ACOXL: variants seen among roughly 807,000 people sequenced by gnomAD.
The protein encoded by ACOXL is acyl-coenzyme A oxidase-like protein.
Under a neutral mutation model 71.9 loss-of-function variants are expected in ACOXL, and 70 were observed. That is an observed-to-expected ratio of 0.97 (90% CI 0.80 to 1.19). ACOXL has a LOEUF of 1.19. Among genes scored for constraint, ACOXL ranks in the 50% most tolerant of loss-of-function variants. The pLI, the probability that ACOXL is intolerant of heterozygous loss-of-function variation, is 0.00. For synonymous variants in ACOXL, 253 were observed against 281.6 expected, an observed-to-expected ratio of 0.90 and a Z score of 1.02; for missense variants, 703 against 736.3, an observed-to-expected ratio of 0.95 and a Z score of 0.52.
chr2:110,913,254 A>G (rs991710047), intron 11 of ACOXL, among the ~76,000 whole-genome samples: 1 of 152,210 alleles, frequency 6.6e-6, no homozygotes, highest in Non-Finnish European at 1.5e-5. Flanking sequence ...ACTCCTAGGT[A>G]TATACCCCAC....
chr2:111,055,272 T>C (rs1574621441), intron 16 of ACOXL, among the ~76,000 whole-genome samples: 2 of 152,350 alleles, frequency 1.3e-5, no homozygotes, highest in East Asian at 1.9e-4. Flanking sequence ...TGCAGGGGAC[T>C]GTCCCCACCT....
At chr2:110,868,154 G>A (rs769796054) in intron 10 of ACOXL, among the ~76,000 whole-genome samples, 55 of 152,216 alleles carry the variant, frequency 3.6e-4, no homozygotes, top group Non-Finnish European at 7.3e-4. Context: ...CGAATTTCAT[G>A]TAGTCAATGG....
At chr2:110,896,582 A>C (rs2128812) in intron 10 of ACOXL, among the ~76,000 whole-genome samples, 1 of 152,214 alleles carries the variant, frequency 6.6e-6, no homozygotes, top group Admixed American at 6.5e-5. Flanking sequence ...GTGGCTACTT[A>C]AATTTCATAT....
chr2:110,988,271 T>C (rs989559333), intron 13 of ACOXL, among the ~76,000 whole-genome samples: 1 of 152,092 alleles, frequency 6.6e-6, no homozygotes, highest in Admixed American at 6.5e-5. Context: ...GACCTCTGTC[T>C]CTACAAAAAT....
At chr2:111,054,684 GGCCAGA>G (rs763161262) in intron 16 of ACOXL, among the ~76,000 whole-genome samples, 3 of 152,202 alleles carry the variant, frequency 2.0e-5, no homozygotes, top group Non-Finnish European at 4.4e-5. Flanking sequence ...ACCATGGTCT[GGCCAGA>G]TGCAACCCTT....
chr2:110,963,810 A>G (rs1301776041), intron 12 of ACOXL: 1 of 1,528,136 alleles, frequency 6.5e-7, no homozygotes, highest in East Asian at 2.3e-5. Context: ...TTTAATTGGC[A>G]GGTGCTTTCC....
intron 11 of ACOXL, among the ~76,000 whole-genome samples, chr2:110,919,317 A>C (rs2059978510): frequency 1.3e-5 from 2 of 151,826 alleles, no homozygotes; most frequent in Non-Finnish European, 2.9e-5. Context: ...CAGAAAACCA[A>C]ACACCACATG....
intron 2 of ACOXL, among the ~76,000 whole-genome samples, chr2:110,783,621 ACACACACTTG>A: frequency 6.6e-6 from 1 of 152,266 alleles, no homozygotes; most frequent in South Asian, 2.1e-4. Context: ...ACAGACACAC[ACACACACTTG>A]CACACACACG....
At chr2:110,993,568 C>A (rs1344053170) in intron 13 of ACOXL, among the ~76,000 whole-genome samples, 1 of 152,206 alleles carries the variant, frequency 6.6e-6, no homozygotes, top group African/African-American at 2.4e-5. Context: ...TTTCTCACTT[C>A]TGTGAGTAGA....
intron 15 of ACOXL, among the ~76,000 whole-genome samples, chr2:111,033,989 A>G (rs1435987627): frequency 6.6e-6 from 1 of 152,208 alleles, no homozygotes; most frequent in Non-Finnish European, 1.5e-5. Flanking sequence ...TAGAAACATG[A>G]CAGTTGAGCC....
chr2:110,764,838 A>G (rs1680848691), intron 1 of ACOXL, among the ~76,000 whole-genome samples: 1 of 152,198 alleles, frequency 6.6e-6, no homozygotes, highest in Non-Finnish European at 1.5e-5. Context: ...AACCCATAAT[A>G]AGTAATCTAG....
chr2:110,936,662 C>T (rs992651523), intron 12 of ACOXL, among the ~76,000 whole-genome samples: 1 of 152,136 alleles, frequency 6.6e-6, no homozygotes, highest in Non-Finnish European at 1.5e-5. Context: ...CTCAGAGAAA[C>T]ACTTAAATGT....
At chr2:110,810,435 T>C (rs1687172838) in intron 9 of ACOXL, among the ~76,000 whole-genome samples, 1 of 152,174 alleles carries the variant, frequency 6.6e-6, no homozygotes, top group Admixed American at 6.5e-5. Context: ...CTTCCATGTA[T>C]TGCCTATTCA....
intron 11 of ACOXL, among the ~76,000 whole-genome samples, chr2:110,924,335 T>G (rs2060191718): frequency 6.6e-6 from 1 of 152,218 alleles, no homozygotes; most frequent in African/African-American, 2.4e-5. Flanking sequence ...GCCGCAACAA[T>G]TGACTCTTCC....
chr2:110,979,205 A>G (rs978745706), intron 12 of ACOXL, among the ~76,000 whole-genome samples: 2 of 152,172 alleles, frequency 1.3e-5, no homozygotes, highest in Non-Finnish European at 2.9e-5. Flanking sequence ...TCTGCTTGTA[A>G]TAAATACCCA....
At chr2:111,031,579 T>C in intron 14 of ACOXL, 48 bp from the exon 15 acceptor site, 1 of 1,545,936 alleles carries the variant, frequency 6.5e-7, no homozygotes, top group African/African-American at 1.4e-5. Flanking sequence ...TAAGTTAGAC[T>C]CTCTCACAAT....
At chr2:110,916,088 A>G (rs1438901277) in intron 11 of ACOXL, among the ~76,000 whole-genome samples, 1 of 151,734 alleles carries the variant, frequency 6.6e-6, no homozygotes, top group Non-Finnish European at 1.5e-5. Flanking sequence ...CTGTTTTGTT[A>G]CCCTGTATTT....
At chr2:110,761,616 G>T (rs760256420) in intron 1 of ACOXL, among the ~76,000 whole-genome samples, 2 of 152,222 alleles carry the variant, frequency 1.3e-5, no homozygotes, top group Non-Finnish European at 2.9e-5. Flanking sequence ...AAGGCCTCCT[G>T]TCTGCATTGA....
intron 10 of ACOXL, among the ~76,000 whole-genome samples, chr2:110,870,535 A>C (rs778500132): frequency 7.2e-5 from 11 of 152,196 alleles, no homozygotes; most frequent in Admixed American, 2.0e-4. Context: ...TTTAAATAAC[A>C]TCAGCCCAAA....
Sources: gnomAD v4.1 joint callset for allele counts (sites outside exome capture counted in the v4.1 genomes callset) on GRCh38, gnomAD v4.1.1 for gene constraint, MANE v1.5 for transcripts, NCBI Gene and HGNC (gene_info 2026-07-23, HGNC 2026-07-21) for gene names.